The following SLC35E1 variants were observed in gnomAD, a reference collection of about 807,000 sequenced individuals.
SLC35E1 encodes solute carrier family 35 member E1.
In SLC35E1, 12 loss-of-function variants were observed where a neutral mutation model predicts 31.0. The ratio of observed to expected loss-of-function variants is 0.39; its 90% CI spans 0.25 to 0.63. The LOEUF (loss-of-function observed/expected upper bound fraction) is 0.63, where lower values mean the gene tolerates loss of function less well. SLC35E1 is among the 20% of genes least tolerant of loss of function. The pLI, the probability that SLC35E1 is intolerant of heterozygous loss-of-function variation, is 0.52. For missense variants in SLC35E1, 429 were observed against 572.2 expected, an observed-to-expected ratio of 0.75 and a Z score of 2.55; for synonymous variants, 257 against 264.1, an observed-to-expected ratio of 0.97 and a Z score of 0.26.
At position 16,566,664 on chromosome 19, in the gene SLC35E1, A is replaced by G. The variant is rs1434306978; in HGVS notation, c.631-7T>C. On this transcript the variant is annotated splice_polypyrimidine_tract_variant and splice_region_variant and intron_variant, in intron 3 of 5. Coordinates refer to ENST00000595753, the MANE Select transcript of SLC35E1 (RefSeq NM_024881.5). ...TCCGTGAATCTCGCAAGACCTGGAA[A>G]GGGAAAGCCTCTTTAGAGGGTGATT... is the stretch of plus-strand genomic sequence containing the variant. The G allele has an allele frequency of 6.2e-7, 1 of 1,610,978 alleles. No homozygotes were observed. Among genetic ancestry groups the G allele is most frequent in the Non-Finnish European group, 8.5e-7 (1 of 1,179,500 alleles).
intron 4 of SLC35E1, 45 bp downstream of exon 4, chr19:16,566,487 G>T: frequency 1.2e-6 from 2 of 1,610,228 alleles, no homozygotes; most frequent in South Asian, 1.1e-5. Context: ...ACCTATTCTG[G>T]AACTAGCCAA....
At chr19:16,557,475 G>A (rs1371379204) in intron 4 of SLC35E1, among the ~76,000 whole-genome samples, 2 of 152,136 alleles carry the variant, frequency 1.3e-5, no homozygotes, top group Non-Finnish European at 2.9e-5. Context: ...TTACTGGCAT[G>A]AGCCACCACG....
At chr19:16,557,350 C>T (rs1047915846) in intron 4 of SLC35E1, among the ~76,000 whole-genome samples, 9 of 151,704 alleles carry the variant, frequency 5.9e-5, no homozygotes, top group African/African-American at 9.7e-5. Flanking sequence ...CCCGCCACCG[C>T]GCCCGGCTAA....
At chr19:16,559,446 CTTCT>C (rs1429106817) in intron 4 of SLC35E1, among the ~76,000 whole-genome samples, 1 of 135,010 alleles carries the variant, frequency 7.4e-6, no homozygotes, top group Non-Finnish European at 1.6e-5. Context: ...ATGGCAAAAC[CTTCT>C]TTCTACAAAA....
In SLC35E1 at chr19:16,555,182, G is replaced by A. The variant is rs775727051; in HGVS notation, c.972C>T (p.Thr324=). 1.1e-5 allele frequency: 17 copies of A among 1,614,182 alleles called. No individual in the cohort carries two copies. Among genetic ancestry groups the A allele is most frequent in the South Asian group, 3.3e-5 (3 of 91,078 alleles). ...TATAGAGGAAGACCCCCAGGATGGC[G>A]GTCATCATGCCCAGGACGTTGGTGC... ...VTSTNVLGMM[T]AILGVFLYNK... The change falls in exon 5 of 6, where the codon ACC becomes ACT. Residue 324 remains threonine, a synonymous_variant. Transcript: ENST00000595753. The surrounding 1 kb of genome is among the most constrained non-coding windows in gnomAD (Gnocchi z 4.1).
chr19:16,571,671 C>A, intron 1 of SLC35E1, 89 bp from the exon 2 acceptor site: 2 of 1,371,546 alleles, frequency 1.5e-6, no homozygotes, highest in Middle Eastern at 2.1e-4. Flanking sequence ...GAGGGCCTGG[C>A]AGCCCCTCAC....
chr19:16,563,306 A>G (rs1599319861), intron 4 of SLC35E1, among the ~76,000 whole-genome samples: 1 of 152,100 alleles, frequency 6.6e-6, no homozygotes, highest in Admixed American at 6.6e-5. Context: ...CCTAGGAGAC[A>G]GAAAAACTCC....
At position 16,572,334 on chromosome 19, in the gene SLC35E1, C is replaced by T; in HGVS notation, c.31G>A (p.Gly11Ser). 1 of 1,136,050 alleles carries T rather than the reference C, an allele frequency of 8.8e-7. No individual in the cohort carries two copies. The highest frequency in any genetic ancestry group is 1.1e-6 in the Non-Finnish European group (1 of 921,476). 70.4% of individuals were successfully genotyped at this position (1,136,050 alleles called of 1,614,324 possible). A position where few individuals can be genotyped will look rare whatever the true frequency, so the allele number is the denominator to read the frequency against. The change falls in exon 1 of 6, where the codon GGC becomes AGC. Residue 11 changes from glycine (G) to serine (S), a missense_variant. Coordinates refer to ENST00000595753, the MANE Select transcript of SLC35E1 (RefSeq NM_024881.5). This position sits in a 1 kb window ranked among gnomAD's most constrained non-coding sequence, Gnocchi z 4.1. ...CTCGCTGCGCCCGGGCCCCCCGCGC[C>T]GTGGCCCGCGCCCACCGCGGCCGCC... The part of the protein sequence containing the change: MAAAAVGAGH[G>S]AGGPGAASSS...
Position 16,550,281 on chromosome 19 carries a change from C to T in SLC35E1, c.*3398G>A. 6.6e-6 allele frequency: 1 copy of T among 152,348 alleles called. No individual in the cohort carries two copies. The allele number at this position is 152,348 out of a possible 1,614,324, so 9.4% of individuals were successfully genotyped here. A position where few individuals can be genotyped will look rare whatever the true frequency, so the allele number is the denominator to read the frequency against. On this transcript the variant is annotated 3_prime_UTR_variant, in exon 6 of 6. Coordinates refer to ENST00000595753, the MANE Select transcript of SLC35E1 (RefSeq NM_024881.5). ...AGGAGCTGGGTTGGAGTCAGTATTA[C>T]CAGCCAGACCATACCCTGATGGGTA... is the stretch of plus-strand genomic sequence containing the variant.
chr19:16,566,438 C>A, intron 4 of SLC35E1, 94 bp downstream of exon 4: 2 of 1,558,402 alleles, frequency 1.3e-6, no homozygotes, highest in South Asian at 2.3e-5. Context: ...CCAAAAGATA[C>A]CACAATGTTA....
intron 4 of SLC35E1, among the ~76,000 whole-genome samples, chr19:16,562,556 CAATAA>C (rs2085912224): frequency 6.6e-6 from 1 of 152,182 alleles, no homozygotes; most frequent in African/African-American, 2.4e-5. Context: ...ATCCCTAATA[CAATAA>C]AACTGCTATA....
At position 16,572,087 on chromosome 19, in the gene SLC35E1, G is replaced by C. The variant is rs1250410859; in HGVS notation, c.278C>G (p.Pro93Arg). The change falls in exon 1 of 6, where the codon CCC becomes CGC. Residue 93 changes from proline (P) to arginine (R), a missense_variant. Pro to Arg is a moderately radical substitution (Grantham distance 103, BLOSUM62 -2). Coordinates refer to ENST00000595753, the MANE Select transcript of SLC35E1 (RefSeq NM_024881.5). This position sits in a 1 kb window ranked among gnomAD's most constrained non-coding sequence, Gnocchi z 4.1. Reference sequence around the variant, plus strand: ...CGGGCCGGACGACGGATGCGGACTGGGTCCGGGGCCCGAGACGGGCGGCGC... The same window carrying C: ...CGGGCCGGACGACGGATGCGGACTGCGTCCGGGGCCCGAGACGGGCGGCGC... ...PPAPPVSGPGPSPHPSSGPLL... is the reference protein window; with the variant it reads ...PPAPPVSGPGRSPHPSSGPLL... 1 of 1,530,586 alleles carries C rather than the reference G, an allele frequency of 6.5e-7. No homozygotes were observed. 94.8% of individuals were successfully genotyped at this position (1,530,586 alleles called of 1,614,324 possible). A position where few individuals can be genotyped will look rare whatever the true frequency, so the allele number is the denominator to read the frequency against.
intron 4 of SLC35E1, among the ~76,000 whole-genome samples, chr19:16,556,521 C>A (rs1264511890): frequency 1.3e-5 from 2 of 152,076 alleles, no homozygotes; most frequent in Admixed American, 6.6e-5. Context: ...AAAAACCCCA[C>A]AAAACTTTAC....
Position 16,550,302 on chromosome 19 carries a change from G to A in SLC35E1, c.*3377C>T, listed in dbSNP as rs73514942. ...ATTACCAGCCAGACCATACCCTGAT[G>A]GGTAAAGGAAATTCTCTACCACAGA... On this transcript the variant is annotated 3_prime_UTR_variant, in exon 6 of 6. Coordinates refer to ENST00000595753, the MANE Select transcript of SLC35E1 (RefSeq NM_024881.5). 0.03 allele frequency: 4,550 copies of A among 152,386 alleles called. 176 individuals are homozygous for A. Among genetic ancestry groups the A allele is most frequent in the Admixed American group, 0.084 (1,281 of 15,282 alleles). 9.4% of individuals were successfully genotyped at this position (152,386 alleles called of 1,614,324 possible).
rs1402706613 is a variant in SLC35E1, at chr19:16,550,331, C to G, written c.*3348G>C. 3 of 152,404 alleles carry G rather than the reference C, an allele frequency of 2.0e-5. No individual in the cohort carries two copies. The highest frequency in any genetic ancestry group is 7.2e-5 in the African/African-American group (3 of 41,440). The allele number at this position is 152,404 out of a possible 1,614,324, so 9.4% of individuals were successfully genotyped here. A position where few individuals can be genotyped will look rare whatever the true frequency, so the allele number is the denominator to read the frequency against. On this transcript the variant is annotated 3_prime_UTR_variant, in exon 6 of 6. Coordinates refer to ENST00000595753, the MANE Select transcript of SLC35E1 (RefSeq NM_024881.5). Reference sequence around the variant, plus strand: ...AAAGGAAATTCTCTACCACAGAGCTCAGCAGTGAGGTGGCTGAGAGGAAGG... The same window carrying G: ...AAAGGAAATTCTCTACCACAGAGCTGAGCAGTGAGGTGGCTGAGAGGAAGG...
intron 4 of SLC35E1, among the ~76,000 whole-genome samples, chr19:16,561,230 A>G (rs1186664112): frequency 6.9e-6 from 1 of 144,128 alleles, no homozygotes; most frequent in Non-Finnish European, 1.5e-5. Flanking sequence ...AAAAAAAAAA[A>G]AAAAAAAAAA....
rs911340774 is a variant in SLC35E1, at chr19:16,567,955, T to A, written c.630+77A>T. ...ATAGCAAAGAAATTTCTACTCCGCCTGTTTTCCCAATGCCACCAGTTTGCT... is the reference window on the plus strand; with the variant it reads ...ATAGCAAAGAAATTTCTACTCCGCCAGTTTTCCCAATGCCACCAGTTTGCT... On this transcript the variant is annotated intron_variant, in intron 3 of 5. Coordinates refer to ENST00000595753, the MANE Select transcript of SLC35E1 (RefSeq NM_024881.5). 2.7e-6 allele frequency: 4 copies of A among 1,464,964 alleles called. No individual in the cohort carries two copies. The African/African-American group carries it at 5.8e-5, about 21-fold the overall frequency. 90.7% of individuals were successfully genotyped at this position (1,464,964 alleles called of 1,614,324 possible).
rs2085869038 is a variant in SLC35E1, at chr19:16,555,121, T to TC, written c.1002+30dup. 8 of 1,612,116 alleles carry TC rather than the reference T, an allele frequency of 5.0e-6. No individual in the cohort carries two copies. Among genetic ancestry groups the TC allele is most frequent in the Non-Finnish European group, 6.8e-6 (8 of 1,178,792 alleles). On this transcript the variant is annotated intron_variant, in intron 5 of 5. Transcript: ENST00000595753. This position sits in a 1 kb window ranked among gnomAD's most constrained non-coding sequence, Gnocchi z 4.1. ...CTTCCTGGGTGTTGGGGGGCCGGCT[T>TC]CCTTCCCTGCCCAGCCTCTCAGACT...
rs2085849796 is a variant in SLC35E1, at chr19:16,552,342, G to A, written c.*1337C>T. 2.0e-5 allele frequency: 3 copies of A among 150,482 alleles called. No individual in the cohort carries two copies. In the South Asian group the frequency reaches 6.3e-4, roughly 32 times the overall value. 9.3% of individuals were successfully genotyped at this position (150,482 alleles called of 1,614,324 possible). ...GCATCACCAGTGGGAACTTGGTTTTGTTTTGTTTTTTTTTTTGAGATGGAG... is the reference window on the plus strand; with the variant it reads ...GCATCACCAGTGGGAACTTGGTTTTATTTTGTTTTTTTTTTTGAGATGGAG... On this transcript the variant is annotated 3_prime_UTR_variant, in exon 6 of 6. Transcript: ENST00000595753.
Sources: allele counts gnomAD v4.1 joint callset (sites outside exome capture counted in the v4.1 genomes callset), GRCh38; gene constraint gnomAD v4.1.1; non-coding constraint Gnocchi (gnomAD v3.1); transcripts MANE v1.5; gene names NCBI Gene and HGNC (gene_info 2026-07-23, HGNC 2026-07-21).